Variants in PRKD1 observed in about 807,000 individuals in gnomAD.
The protein encoded by PRKD1 is protein kinase D1.
PRKD1 carries 63 observed loss-of-function variants against 95.9 expected under a neutral mutation model. The observed-to-expected ratio is 0.66, with a 90% CI of 0.54 to 0.81. The LOEUF (loss-of-function observed/expected upper bound fraction) is 0.81. Ranked by LOEUF, PRKD1 falls within the 30% of genes least tolerant of loss-of-function variation. The pLI is 0.00. For missense variants in PRKD1, 1,048 were observed against 1,165.3 expected (o/e 0.90, Z 1.47); for synonymous variants, 425 against 423.1 (o/e 1.00, Z -0.05).
chr14:29,808,734 C>T (rs1278040389), intron 1 of PRKD1, among the ~76,000 whole-genome samples: 2 of 152,060 alleles, frequency 1.3e-5, no homozygotes, highest in Admixed American at 1.3e-4. Context: ...AGTTTAACCA[C>T]ATCTGCAGTT....
At chr14:29,817,296 C>T (rs1217541207) in intron 1 of PRKD1, among the ~76,000 whole-genome samples, 1 of 152,058 alleles carries the variant, frequency 6.6e-6, no homozygotes, top group African/African-American at 2.4e-5. Context: ...CCAACTAAGC[C>T]AAGCACAAGG....
At position 29,634,538 on chromosome 14, in the gene PRKD1, T is replaced by C. The variant is rs555920252; in HGVS notation, c.1194A>G (p.Pro398=). The C allele has an allele frequency of 6.2e-7, 1 of 1,614,022 alleles. No individual in the cohort carries two copies. Residue 398 remains proline, a synonymous_variant, in exon 8 of 18, where the codon CCA becomes CCG. Coordinates refer to ENST00000331968, the MANE Select transcript of PRKD1 (RefSeq NM_002742.3). ...TGAGTGGGATATTGTTGCTTGTTGATGGACTTGAGAAGTCAAAATATTGTA... is the reference window on the plus strand; with the variant it reads ...TGAGTGGGATATTGTTGCTTGTTGACGGACTTGAGAAGTCAAAATATTGTA... The part of the protein sequence containing the change: ...DHEDANRTIS[P]STSNNIPLMR...
chr14:29,768,122 C>T (rs1048009386), intron 1 of PRKD1, among the ~76,000 whole-genome samples: 7 of 152,114 alleles, frequency 4.6e-5, no homozygotes, highest in African/African-American at 1.7e-4. Flanking sequence ...TAGAAACCTC[C>T]CAGAGGAAGA....
At chr14:29,706,180 T>G (rs1885079778) in intron 2 of PRKD1, among the ~76,000 whole-genome samples, 2 of 152,164 alleles carry the variant, frequency 1.3e-5, no homozygotes, top group African/African-American at 4.8e-5. Context: ...TTGACTTGCA[T>G]TTTCCTAATG....
chr14:29,779,367 TGATTTTATATTTA>T (rs1888929388), intron 1 of PRKD1, among the ~76,000 whole-genome samples: 1 of 152,246 alleles, frequency 6.6e-6, no homozygotes, highest in South Asian at 2.1e-4. Flanking sequence ...TCAGATGACA[TGATTTTATATTTA>T]GAAAACCCCA....
At chr14:29,841,335 A>AT (rs1193152211) in intron 1 of PRKD1, among the ~76,000 whole-genome samples, 1 of 152,054 alleles carries the variant, frequency 6.6e-6, no homozygotes, top group Non-Finnish European at 1.5e-5. Flanking sequence ...AGGACATGAG[A>AT]TTTTGGATGG....
chr14:29,846,179 G>C (rs1425022834), intron 1 of PRKD1, among the ~76,000 whole-genome samples: 1 of 152,126 alleles, frequency 6.6e-6, no homozygotes, highest in Non-Finnish European at 1.5e-5. Context: ...TCTAGGCCCT[G>C]AGGATACAGG....
chr14:29,837,384 A>G (rs1463386589), intron 1 of PRKD1, among the ~76,000 whole-genome samples: 2 of 152,146 alleles, frequency 1.3e-5, no homozygotes, highest in Admixed American at 1.3e-4. Flanking sequence ...TCAATCAACT[A>G]TTTTCTAATA....
intron 1 of PRKD1, among the ~76,000 whole-genome samples, chr14:29,731,402 T>C (rs1242286676): frequency 6.6e-6 from 1 of 152,184 alleles, no homozygotes; most frequent in Non-Finnish European, 1.5e-5. Flanking sequence ...CTGAAAATAA[T>C]GTGTATTCTG....
At chr14:29,747,985 C>T (rs961861265) in intron 1 of PRKD1, among the ~76,000 whole-genome samples, 5 of 152,220 alleles carry the variant, frequency 3.3e-5, no homozygotes, top group African/African-American at 1.2e-4. Context: ...CTCAAGTGAT[C>T]CTCCCACCTC....
intron 16 of PRKD1, chr14:29,591,217 C>T (rs1259412182): frequency 1.3e-5 from 2 of 152,094 alleles, no homozygotes; most frequent in Non-Finnish European, 2.9e-5. Context: ...GATACTTGTG[C>T]TTCTTTTCTT....
At position 29,919,182 on chromosome 14, in the gene PRKD1, T is replaced by C. The variant is rs182662683; in HGVS notation, c.264+8067A>G. On this transcript the variant is annotated intron_variant, in intron 1 of 17. Coordinates refer to ENST00000331968, the MANE Select transcript of PRKD1 (RefSeq NM_002742.3). ...AAGTTGAACAAAATTCCTGTGTGATTGCATATTTTAAAATCTAAGTTTCAT... is the reference window on the plus strand; with the variant it reads ...AAGTTGAACAAAATTCCTGTGTGATCGCATATTTTAAAATCTAAGTTTCAT... Among the ~76,000 whole-genome samples, 347 of 152,334 alleles carry C rather than the reference T, an allele frequency of 2.3e-3. 2 individuals carry two copies. Among genetic ancestry groups the C allele is most frequent in the African/African-American group, 7.7e-3 (322 of 41,576 alleles).
intron 17 of PRKD1, among the ~76,000 whole-genome samples, 164 bp downstream of exon 17, chr14:29,578,111 A>T (rs1289965956): frequency 3.3e-5 from 5 of 152,118 alleles, no homozygotes. Flanking sequence ...GTTTAGAAAC[A>T]CTAAATTGTT....
chr14:29,792,996 T>C (rs983736267), intron 1 of PRKD1, among the ~76,000 whole-genome samples: 1 of 151,658 alleles, frequency 6.6e-6, no homozygotes, highest in Non-Finnish European at 1.5e-5. Flanking sequence ...AAAATAGAGA[T>C]AGCTACAAAT....
chr14:29,683,713 A>G (rs774182165), intron 2 of PRKD1, among the ~76,000 whole-genome samples: 1 of 152,234 alleles, frequency 6.6e-6, no homozygotes, highest in Non-Finnish European at 1.5e-5. Flanking sequence ...AAAATAGTAC[A>G]ATGTAACATT....
Position 29,634,528 on chromosome 14 carries a change from T to A in PRKD1, c.1204A>T (p.Asn402Tyr). The A allele has an allele frequency of 1.2e-6, 2 of 1,614,046 alleles. No individual in the cohort carries two copies. Among genetic ancestry groups the A allele is most frequent in the South Asian group, 2.2e-5 (2 of 91,072 alleles). Residue 402 changes from asparagine (N) to tyrosine (Y), a missense_variant, in exon 8 of 18, where the codon AAC (asparagine) becomes TAC (tyrosine). Physicochemically the swap from Asn to Tyr is moderately radical, Grantham distance 143. Transcript: ENST00000331968. Reference sequence around the variant, plus strand: ...ACTACCCTCATGAGTGGGATATTGTTGCTTGTTGATGGACTTGAGAAGTCA... The same window carrying A: ...ACTACCCTCATGAGTGGGATATTGTAGCTTGTTGATGGACTTGAGAAGTCA... ...ANRTISPSTS[N>Y]NIPLMRVVQS...
At chr14:29,906,296 T>C (rs1464876543) in intron 1 of PRKD1, among the ~76,000 whole-genome samples, 6 of 152,254 alleles carry the variant, frequency 3.9e-5, no homozygotes, top group East Asian at 1.9e-4. Flanking sequence ...CCCAGCACTT[T>C]GGGAAGCCAA....
intron 13 of PRKD1, among the ~76,000 whole-genome samples, chr14:29,618,715 A>G (rs1296003908): frequency 6.6e-6 from 1 of 151,900 alleles, no homozygotes; most frequent in Non-Finnish European, 1.5e-5. Flanking sequence ...TAAAGAGCTT[A>G]GTGTTTTGAT....
At chr14:29,801,695 G>GT (rs899095529) in intron 1 of PRKD1, among the ~76,000 whole-genome samples, 74 of 146,912 alleles carry the variant, frequency 5.0e-4, no homozygotes, top group South Asian at 1.3e-3. Flanking sequence ...GGGTCTACGT[G>GT]TTTTTTTTTT....
Sources: allele counts gnomAD v4.1 joint callset (sites outside exome capture counted in the v4.1 genomes callset), GRCh38; gene constraint gnomAD v4.1.1; transcripts MANE v1.5; gene names NCBI Gene and HGNC (gene_info 2026-07-23, HGNC 2026-07-21).